The following DLG2 variants were observed in gnomAD, a reference collection of about 807,000 sequenced individuals.
The protein encoded by DLG2 is disks large homolog 2.
In DLG2, 45 loss-of-function variants were observed where a neutral mutation model predicts 132.5. The ratio of observed to expected loss-of-function variants is 0.34; its 90% CI spans 0.27 to 0.44. The LOEUF (loss-of-function observed/expected upper bound fraction) is 0.44. Among genes scored for constraint, DLG2 ranks in the 20% least tolerant of loss-of-function variants. The probability of loss-of-function intolerance (pLI) is 1.00; values close to 1 mark genes in which losing one functional copy is unlikely to be tolerated. For missense variants in DLG2, 1,045 were observed against 1,196.9 expected, an observed-to-expected ratio of 0.87 and a Z score of 1.87; for synonymous variants, 424 against 419.6, an observed-to-expected ratio of 1.01 and a Z score of -0.13.
intron 7 of DLG2, among the ~76,000 whole-genome samples, chr11:84,253,840 C>T (rs919117894): frequency 2.6e-5 from 4 of 151,970 alleles, no homozygotes; most frequent in Admixed American, 2.0e-4. Flanking sequence ...CATTTTTCCC[C>T]ACTAAGCTGC....
At chr11:84,170,228 G>C (rs1364449118) in intron 8 of DLG2, among the ~76,000 whole-genome samples, 1 of 152,136 alleles carries the variant, frequency 6.6e-6, no homozygotes, top group Admixed American at 6.5e-5. Context: ...CCTTTCCTGT[G>C]AAATATGGCT....
chr11:84,906,986 G>T (rs2091589350), intron 6 of DLG2, among the ~76,000 whole-genome samples: 1 of 152,106 alleles, frequency 6.6e-6, no homozygotes, highest in Non-Finnish European at 1.5e-5. Flanking sequence ...AAGCCAAAAG[G>T]CCAAAAGGAG....
At chr11:84,289,899 A>G (rs899635569) in intron 7 of DLG2, among the ~76,000 whole-genome samples, 1 of 152,130 alleles carries the variant, frequency 6.6e-6, no homozygotes, top group Non-Finnish European at 1.5e-5. Flanking sequence ...CGTTTTCTGG[A>G]TGGTCAGGCC....
intron 17 of DLG2, among the ~76,000 whole-genome samples, chr11:83,826,204 G>A (rs879272798): frequency 6.6e-6 from 1 of 152,194 alleles, no homozygotes; most frequent in Non-Finnish European, 1.5e-5. Flanking sequence ...TATGCACTAG[G>A]CAATCATCAG....
intron 7 of DLG2, among the ~76,000 whole-genome samples, chr11:84,357,824 TC>T (rs2098626153): frequency 6.6e-6 from 1 of 152,026 alleles, no homozygotes; most frequent in Non-Finnish European, 1.5e-5. Flanking sequence ...TATTTTTAAA[TC>T]TTTTTTTAAT....
At chr11:84,345,853 AC>A (rs1156686717) in intron 7 of DLG2, among the ~76,000 whole-genome samples, 1 of 152,210 alleles carries the variant, frequency 6.6e-6, no homozygotes, top group African/African-American at 2.4e-5. Context: ...CTTTTCTGCT[AC>A]ATCAGCAGAC....
intron 9 of DLG2, among the ~76,000 whole-genome samples, chr11:84,150,698 A>G (rs981686014): frequency 2.0e-5 from 3 of 152,132 alleles, no homozygotes; most frequent in African/African-American, 4.8e-5. Flanking sequence ...CCAGTTCTCA[A>G]TGGGAATGCT....
At chr11:83,998,177 G>A (rs1431502311) in intron 11 of DLG2, among the ~76,000 whole-genome samples, 2 of 152,108 alleles carry the variant, frequency 1.3e-5, no homozygotes, top group African/African-American at 2.4e-5. Context: ...AATTAAAGTG[G>A]AGGAGGAGCA....
At chr11:84,302,688 T>A (rs2098169222) in intron 7 of DLG2, among the ~76,000 whole-genome samples, 1 of 152,210 alleles carries the variant, frequency 6.6e-6, no homozygotes, top group African/African-American at 2.4e-5. Flanking sequence ...CATAAGCTTG[T>A]ATTATATTTA....
chr11:83,467,771 G>GTATATATATATATATATATATGTATA (rs2091326688), intron 25 of DLG2, among the ~76,000 whole-genome samples: 10 of 85,056 alleles, frequency 1.2e-4, no homozygotes, highest in Non-Finnish European at 1.6e-4. Context: ...AAAACTATAT[G>GTATATATATATATATATATATGTATA]TATATATATA....
Position 85,525,886 on chromosome 11 carries a change from G to A in DLG2, c.40+72771C>T, listed in dbSNP as rs1465832944. On this transcript the variant is annotated intron_variant, in intron 3 of 27. Coordinates refer to ENST00000376104, the MANE Select transcript of DLG2 (RefSeq NM_001142699.3). ...GACAGGAGAGATCTCAGAGAGTACC[G>A]GAGATCTACAGAGGATCCGCCTTTA... Among the ~76,000 whole-genome samples the A allele has an allele frequency of 3.3e-5, 5 of 151,836 alleles. 1 individual carries two copies. The highest frequency in any genetic ancestry group is 2.6e-4 in the Admixed American group (4 of 15,256).
At chr11:84,257,977 G>A (rs182461011) in intron 7 of DLG2, among the ~76,000 whole-genome samples, 4 of 152,168 alleles carry the variant, frequency 2.6e-5, no homozygotes, top group Admixed American at 6.5e-5. Flanking sequence ...GTGGGCCACC[G>A]CACCCAGCCA....
intron 19 of DLG2, among the ~76,000 whole-genome samples, chr11:83,617,998 A>G (rs1475813975): frequency 6.6e-6 from 1 of 152,162 alleles, no homozygotes; most frequent in Non-Finnish European, 1.5e-5. Context: ...CTCTGTCTCA[A>G]AAAAAAGTAC....
chr11:84,633,672 G>C (rs143474642), intron 6 of DLG2, among the ~76,000 whole-genome samples: 5 of 151,440 alleles, frequency 3.3e-5, no homozygotes, highest in Admixed American at 2.6e-4. Flanking sequence ...ATTATATATT[G>C]ATACAGAGCC....
chr11:83,817,867 C>T (rs919438083), intron 17 of DLG2, among the ~76,000 whole-genome samples: 3 of 152,056 alleles, frequency 2.0e-5, no homozygotes, highest in Non-Finnish European at 4.4e-5. Flanking sequence ...GAGACCCTGT[C>T]TCTAATTAAA....
intron 3 of DLG2, among the ~76,000 whole-genome samples, chr11:85,488,060 G>T (rs2093470919): frequency 6.6e-6 from 1 of 152,144 alleles, no homozygotes; most frequent in South Asian, 2.1e-4. Context: ...TTTTGCTTTT[G>T]CATCTTCCTC....
intron 18 of DLG2, among the ~76,000 whole-genome samples, chr11:83,775,575 A>T (rs768169450): frequency 2.6e-5 from 4 of 152,174 alleles, no homozygotes; most frequent in Non-Finnish European, 5.9e-5. Context: ...CATACATGCG[A>T]GTTTTAATTA....
chr11:84,916,199 A>T (rs1470256451), intron 6 of DLG2, among the ~76,000 whole-genome samples: 1 of 150,994 alleles, frequency 6.6e-6, no homozygotes, highest in Non-Finnish European at 1.5e-5. Flanking sequence ...CAAAAAAAAA[A>T]TTAGCCGGGC....
At chr11:84,886,967 A>C (rs2088437209) in intron 6 of DLG2, among the ~76,000 whole-genome samples, 1 of 152,118 alleles carries the variant, frequency 6.6e-6, no homozygotes, top group Non-Finnish European at 1.5e-5. Context: ...TCTCATTCAG[A>C]TTCTAATTAT....
Sources: allele counts gnomAD v4.1 joint callset (sites outside exome capture counted in the v4.1 genomes callset), GRCh38; gene constraint gnomAD v4.1.1; transcripts MANE v1.5; gene names NCBI Gene and HGNC (gene_info 2026-07-23, HGNC 2026-07-21).